Variants in TMEM143 observed in about 807,000 individuals in gnomAD.
The protein encoded by TMEM143 is transmembrane protein 143.
Under a neutral mutation model 40.3 loss-of-function variants are expected in TMEM143, and 45 were observed. The observed-to-expected ratio is 1.12, with a 90% CI of 0.88 to 1.43. The LOEUF (loss-of-function observed/expected upper bound fraction) is 1.43. Ranked by LOEUF, TMEM143 falls within the 40% of genes most tolerant of loss-of-function variation. The probability of loss-of-function intolerance (pLI) is 0.00; values close to 1 mark genes in which losing one functional copy is unlikely to be tolerated. For missense variants in TMEM143, 620 were observed against 613.4 expected (o/e 1.01, Z -0.11); for synonymous variants, 299 against 282.7 (o/e 1.06, Z -0.58).
chr19:48,354,445 A>G (rs568440011), intron 3 of TMEM143, among the ~76,000 whole-genome samples: 1 of 151,616 alleles, frequency 6.6e-6, no homozygotes, highest in East Asian at 1.9e-4. Flanking sequence ...TTGTATTTTC[A>G]GTAAAGATGG....
intron 4 of TMEM143, among the ~76,000 whole-genome samples, chr19:48,344,494 G>A (rs772993478): frequency 3.4e-4 from 52 of 151,950 alleles, no homozygotes; most frequent in Non-Finnish European, 5.4e-4. Flanking sequence ...TCCCTGTGTC[G>A]CCTAGATGAG....
At chr19:48,361,660 G>A (rs1970043473) in intron 2 of TMEM143, among the ~76,000 whole-genome samples, 1 of 151,774 alleles carries the variant, frequency 6.6e-6, no homozygotes. Context: ...CTCCCAAGTA[G>A]CTGGGACTAC....
chr19:48,357,012 C>T (rs1053361530), intron 3 of TMEM143, among the ~76,000 whole-genome samples: 5 of 147,934 alleles, frequency 3.4e-5, no homozygotes, highest in Non-Finnish European at 7.4e-5. Context: ...TCAAGCGATT[C>T]TCCTGCCTCA....
At chr19:48,352,246 C>CA (rs1231759805) in intron 3 of TMEM143, among the ~76,000 whole-genome samples, 1,738 of 41,562 alleles carry the variant, frequency 0.042, 212 homozygotes, top group African/African-American at 0.14. Context: ...GACTCTGTCT[C>CA]AAAAAAAAAA....
chr19:48,345,087 C>A, intron 4 of TMEM143, 73 bp downstream of exon 4: 1 of 1,506,242 alleles, frequency 6.6e-7, no homozygotes, highest in Non-Finnish European at 9.1e-7. Context: ...CTCCCAGCAG[C>A]CCATGCCTCT....
chr19:48,355,055 C>T lies in TMEM143; in HGVS notation c.369+5017G>A, dbSNP rs192447043. Among the ~76,000 whole-genome samples the T allele has an allele frequency of 1.2e-4, 18 of 151,690 alleles. No homozygotes were observed. The East Asian group carries it at 3.3e-3, about 28-fold the overall frequency. ...TTTTTTTTTAAGAATCTTGCTCTGT[C>T]ACCCAGGCTGGAGTGCAGTGGCGTG... is the stretch of plus-strand genomic sequence containing the variant. On this transcript the variant is annotated intron_variant, in intron 3 of 7. Transcript: ENST00000293261.
chr19:48,347,103 C>T (rs1218251323), intron 3 of TMEM143, among the ~76,000 whole-genome samples: 1 of 152,140 alleles, frequency 6.6e-6, no homozygotes, highest in South Asian at 2.1e-4. Flanking sequence ...GAATGAATGT[C>T]GCGTGAGTTT....
At chr19:48,361,078 C>A (rs879663456) in intron 2 of TMEM143, among the ~76,000 whole-genome samples, 23 of 151,852 alleles carry the variant, frequency 1.5e-4, no homozygotes, top group Admixed American at 8.5e-4. Context: ...CACCATACCC[C>A]CAAGGTTGAT....
rs375219901 is a variant in TMEM143, at chr19:48,363,278, G to A, written c.264+13C>T. Reference sequence around the variant, plus strand: ...CGTAGTCCCCAGGCTCTTGGGCCTGGGACAGGCGGTACCTGTATTAGGAGG... The same window carrying A: ...CGTAGTCCCCAGGCTCTTGGGCCTGAGACAGGCGGTACCTGTATTAGGAGG... On this transcript the variant is annotated intron_variant, in intron 2 of 7. Transcript: ENST00000293261. The A allele has an allele frequency of 1.4e-5, 23 of 1,608,800 alleles. No individual in the cohort carries two copies. The African/African-American group carries it at 2.8e-4, about 20-fold the overall frequency.
intron 6 of TMEM143, among the ~76,000 whole-genome samples, chr19:48,334,566 CCTTT>C (rs1258379475): frequency 9.3e-4 from 121 of 130,596 alleles, no homozygotes; most frequent in African/African-American, 2.5e-3. Flanking sequence ...TTCCTTCCTT[CCTTT>C]CTTTCTTTTC....
rs16982007 is a variant in TMEM143 at position 48,342,803 on chromosome 19, G to C, written c.702C>G (p.Tyr234Ter). Residue 234 changes from tyrosine to a stop codon, truncating the protein, a stop_gained, in exon 6 of 8, where the codon TAC becomes TAG. Transcript: ENST00000293261. LOFTEE classifies it high-confidence loss of function. ...FTKLPPAERRYFKRVVLAART... is the reference protein window; with the variant it reads ...FTKLPPAERR The stretch of plus-strand genomic sequence containing the variant: ...GGGCTGCCAGGACCACCCGCTTAAA[G>C]TATCTCCTGAGGGACAGAGACAGAG... 4.4e-4 allele frequency: 707 copies of C among 1,602,742 alleles called. 9 individuals are homozygous for C. In the East Asian group the frequency reaches 0.012, roughly 28 times the overall value.
At chr19:48,344,478 G>A (rs576576529) in intron 4 of TMEM143, among the ~76,000 whole-genome samples, 35 of 151,936 alleles carry the variant, frequency 2.3e-4, no homozygotes, top group African/African-American at 6.0e-4. Context: ...CTGTAGAGAC[G>A]GGGTCTCCCT....
intron 3 of TMEM143, among the ~76,000 whole-genome samples, chr19:48,355,974 A>C (rs1240018105): frequency 6.6e-6 from 1 of 152,170 alleles, no homozygotes; most frequent in African/African-American, 2.4e-5. Context: ...TTACAGGAGC[A>C]TCCCTGGTTG....
intron 3 of TMEM143, among the ~76,000 whole-genome samples, chr19:48,357,094 G>A (rs544254318): frequency 7.3e-5 from 11 of 151,196 alleles, no homozygotes; most frequent in Non-Finnish European, 1.5e-4. Context: ...TAGTAGAGAC[G>A]GGGATTCATC....
At position 48,334,103 on chromosome 19, in the gene TMEM143, A is replaced by T. The variant is rs1183408979; in HGVS notation, c.1070T>A (p.Leu357Gln). ...GTGCTCGTCCTGCGCGCGCAGGGCC[A>T]GGGCGCTGAGCAGCTCCGAGTTGTT... The part of the protein sequence containing the change: ...TSNNSELLSA[L>Q]ALRAQDEHTK... The change falls in exon 7 of 8, where the codon CTG becomes CAG. Residue 357 changes from leucine (L) to glutamine (Q), a missense_variant. Coordinates refer to ENST00000293261, the MANE Select transcript of TMEM143 (RefSeq NM_018273.4). 8 of 1,598,768 alleles carry T rather than the reference A, an allele frequency of 5.0e-6. No individual in the cohort carries two copies. The highest frequency in any genetic ancestry group is 6.8e-6 in the Non-Finnish European group (8 of 1,173,776).
chr19:48,363,060 T>C (rs1970087246), intron 2 of TMEM143, among the ~76,000 whole-genome samples: 1 of 152,218 alleles, frequency 6.6e-6, no homozygotes, highest in Non-Finnish European at 1.5e-5. Flanking sequence ...GAGTGCCTGT[T>C]CAAGCCCTCA....
chr19:48,359,665 C>T (rs914325009), intron 3 of TMEM143, among the ~76,000 whole-genome samples: 11 of 152,022 alleles, frequency 7.2e-5, no homozygotes, highest in African/African-American at 2.7e-4. Context: ...CCCCACCACG[C>T]CCAGCTAATT....
chr19:48,355,629 G>A (rs10421652), intron 3 of TMEM143, among the ~76,000 whole-genome samples: 1,919 of 152,324 alleles, frequency 0.013, 42 homozygotes, highest in African/African-American at 0.044. Context: ...ATTATTCAAA[G>A]CAAAGTGCGG....
chr19:48,342,901 G>C, intron 5 of TMEM143, 92 bp from the exon 6 acceptor site: 1 of 1,418,130 alleles, frequency 7.1e-7, no homozygotes, highest in Non-Finnish European at 9.4e-7. Flanking sequence ...TGGCTCTACA[G>C]TCGCACAACC....
Sources: allele counts gnomAD v4.1 joint callset (sites outside exome capture counted in the v4.1 genomes callset), GRCh38; gene constraint gnomAD v4.1.1; transcripts MANE v1.5; gene names NCBI Gene and HGNC (gene_info 2026-07-23, HGNC 2026-07-21).